Variants in BRD4 observed in about 807,000 individuals in gnomAD.
BRD4 encodes the protein bromodomain-containing protein 4.
Under a neutral mutation model 142.1 loss-of-function variants are expected in BRD4, and 16 were observed. The ratio of observed to expected loss-of-function variants is 0.11; its 90% CI spans 0.08 to 0.17. The LOEUF (loss-of-function observed/expected upper bound fraction) is 0.17, where lower values mean the gene tolerates loss of function less well. Ranked by LOEUF, BRD4 falls within the 10% of genes least tolerant of loss-of-function variation. BRD4 has a pLI of 1.00. For missense variants in BRD4, 1,424 were observed against 1,810.9 expected, an observed-to-expected ratio of 0.79 and a Z score of 3.88; for synonymous variants, 833 against 707.5, an observed-to-expected ratio of 1.18 and a Z score of -2.82.
chr19:15,289,652 T>C (rs548924362), intron 1 of BRD4, among the ~76,000 whole-genome samples: 5 of 150,536 alleles, frequency 3.3e-5, no homozygotes, highest in African/African-American at 1.2e-4. Flanking sequence ...CAAAAGTAAT[T>C]GCGGTTTTGA....
intron 1 of BRD4, among the ~76,000 whole-genome samples, chr19:15,317,141 C>CT (rs1409086009): frequency 3.3e-5 from 5 of 152,248 alleles, no homozygotes; most frequent in Non-Finnish European, 2.9e-5. Context: ...CTTACCAACT[C>CT]TGTGACCCTG....
chr19:15,255,645 G>A, intron 9 of BRD4, 53 bp from the exon 10 acceptor site: 1 of 1,539,654 alleles, frequency 6.5e-7, no homozygotes, highest in African/African-American at 1.4e-5. Context: ...GAGGAAGCCA[G>A]GCACTCATTC....
chr19:15,280,174 G>A, intron 1 of BRD4: 1 of 847,978 alleles, frequency 1.2e-6, no homozygotes, highest in Non-Finnish European at 1.4e-6. Flanking sequence ...CATGGGGACA[G>A]AGGCAGAGTG....
chr19:15,322,568 AT>A (rs2048071202), intron 1 of BRD4, among the ~76,000 whole-genome samples: 1 of 147,602 alleles, frequency 6.8e-6, no homozygotes, highest in East Asian at 2.0e-4. Flanking sequence ...AAAAAAAAAA[AT>A]TAGCCAGGCG....
At chr19:15,272,731 T>TC in intron 2 of BRD4, 84 bp downstream of exon 2, 2 of 1,330,142 alleles carry the variant, frequency 1.5e-6, no homozygotes, top group Non-Finnish European at 1.0e-6. Context: ...TCTCCTACCC[T>TC]CCCCCCAGGA....
Position 15,243,202 on chromosome 19 carries a change from G to A in BRD4, c.2867C>T (p.Pro956Leu). Residue 956 changes from proline to leucine, a missense_variant, in exon 14 of 20, where the codon CCC (proline) becomes CTC (leucine). Physicochemically the swap from Pro to Leu is moderately conservative, Grantham distance 98 (BLOSUM62 -3). This residue lies in a region of BRD4 where 598 missense variants were observed against 647.8 expected (regional missense o/e 0.92). Coordinates refer to ENST00000679869, the MANE Select transcript of BRD4 (RefSeq NM_001379291.1). ...PSVKVQSQPPPPLPPPPHPSV... is the reference protein window; with the variant it reads ...PSVKVQSQPPLPLPPPPHPSV... ...GGGGTGGGGTGGGGGCGGCAGGGGG[G>A]GTGGGGGCTGGGACTGCACCTTCAC... 2.6e-6 allele frequency: 3 copies of A among 1,153,554 alleles called. No individual in the cohort carries two copies. Among genetic ancestry groups the A allele is most frequent in the Non-Finnish European group, 3.5e-6 (3 of 854,274 alleles). 71.5% of individuals were successfully genotyped at this position (1,153,554 alleles called of 1,614,324 possible). A position where few individuals can be genotyped will look rare whatever the true frequency, so the allele number is the denominator to read the frequency against.
chr19:15,324,953 G>A (rs183553512), intron 1 of BRD4, among the ~76,000 whole-genome samples: 53 of 152,320 alleles, frequency 3.5e-4, no homozygotes, highest in African/African-American at 1.2e-3. Flanking sequence ...CTTGGAAGAC[G>A]TGGCACCTCT....
At chr19:15,248,371 G>A (rs1340906640) in intron 11 of BRD4, 1 of 215,148 alleles carries the variant, frequency 4.6e-6, no homozygotes, top group Non-Finnish European at 9.4e-6. Context: ...CAGTCCCTGA[G>A]GGTCTGTGAC....
chr19:15,298,272 T>C (rs1392870001), intron 1 of BRD4, among the ~76,000 whole-genome samples: 3 of 152,250 alleles, frequency 2.0e-5, no homozygotes, highest in Non-Finnish European at 4.4e-5. Flanking sequence ...TAGCTAAGTA[T>C]GTACAGGACT....
intron 1 of BRD4, among the ~76,000 whole-genome samples, chr19:15,328,691 G>A (rs1194137037): frequency 1.3e-5 from 2 of 152,192 alleles, no homozygotes; most frequent in Admixed American, 1.3e-4. Context: ...TATTTAAGGT[G>A]CTCTTCTAGG....
intron 14 of BRD4, among the ~76,000 whole-genome samples, chr19:15,240,603 G>A (rs917653833): frequency 6.6e-6 from 1 of 152,196 alleles, no homozygotes; most frequent in Non-Finnish European, 1.5e-5. Flanking sequence ...CGCCGAGTGG[G>A]GAGCAGGCGG....
intron 4 of BRD4, among the ~76,000 whole-genome samples, chr19:15,267,107 A>G (rs1286624007): frequency 4.6e-5 from 7 of 152,236 alleles, no homozygotes; most frequent in Non-Finnish European, 1.0e-4. Context: ...ACCACCTATG[A>G]TACTGGCAGG....
intron 1 of BRD4, among the ~76,000 whole-genome samples, chr19:15,279,851 G>C (rs953163226): frequency 6.6e-6 from 1 of 152,318 alleles, no homozygotes; most frequent in East Asian, 1.9e-4. Context: ...TTGAAACCCA[G>C]TAATCCTGCC....
At position 15,332,511 on chromosome 19, in the gene BRD4, G is replaced by GCCGCCGCCC. The variant is rs975350019; in HGVS notation, c.-257_-256insGGGCGGCGG. ...CAGAACAAACAGCCCAGCCGCCGCC[G>GCCGCCGCCC]CCGCCGCCGCCGCCGCCGCCAGCGC... On this transcript the variant is annotated 5_prime_UTR_variant, in exon 1 of 20. Coordinates refer to ENST00000679869, the MANE Select transcript of BRD4 (RefSeq NM_001379291.1). The GCCGCCGCCC allele has an allele frequency of 6.4e-6, 1 of 156,582 alleles. No individual in the cohort carries two copies. Among genetic ancestry groups the GCCGCCGCCC allele is most frequent in the Non-Finnish European group, 1.2e-5 (1 of 80,418 alleles). The allele number at this position is 156,582 out of a possible 1,614,324, so 9.7% of individuals were successfully genotyped here.
At chr19:15,272,266 C>T (rs779252149) in intron 2 of BRD4, among the ~76,000 whole-genome samples, 7 of 152,168 alleles carry the variant, frequency 4.6e-5, no homozygotes, top group Non-Finnish European at 1.0e-4. Context: ...ACCTGTGCAG[C>T]TGCAGCCACA....
chr19:15,265,425 G>C lies in BRD4; in HGVS notation c.778C>G (p.Pro260Ala). The change falls in exon 5 of 20, where the codon CCA becomes GCA. Residue 260 changes from proline to alanine, a missense_variant. Around this residue, in one of 16 missense-constraint regions of BRD4, gnomAD observed 140 missense variants for 131.7 expected, o/e 1.06. Coordinates refer to ENST00000679869, the MANE Select transcript of BRD4 (RefSeq NM_001379291.1). ...ACGGGCTGGGGAGCTGGAGCGGGTG[G>C]GGGTTGTGGCTGGGGGGGCACTGGC... Reference protein sequence around the residue: ...PPPVPPQPQPPPAPAPQPVQS... With the variant: ...PPPVPPQPQPAPAPAPQPVQS... 1.3e-6 allele frequency: 2 copies of C among 1,564,072 alleles called. No individual in the cohort carries two copies. The highest frequency in any genetic ancestry group is 1.7e-6 in the Non-Finnish European group (2 of 1,154,712).
chr19:15,307,963 C>T (rs2047928794), intron 1 of BRD4, among the ~76,000 whole-genome samples: 2 of 151,126 alleles, frequency 1.3e-5, no homozygotes, highest in African/African-American at 4.9e-5. Flanking sequence ...AAAATACAAA[C>T]ATTAACTGGG....
At chr19:15,307,013 G>A (rs556773307) in intron 1 of BRD4, among the ~76,000 whole-genome samples, 1 of 152,212 alleles carries the variant, frequency 6.6e-6, no homozygotes, top group Non-Finnish European at 1.5e-5. Context: ...TATCTGCAAA[G>A]CACAATAAAA....
intron 11 of BRD4, chr19:15,253,662 A>G (rs540659015): frequency 6.3e-7 from 1 of 1,598,188 alleles, no homozygotes; most frequent in South Asian, 1.1e-5. Context: ...GCGGCTGGCC[A>G]GCTGCAGTCT....
Sources: gnomAD v4.1 joint callset for allele counts (sites outside exome capture counted in the v4.1 genomes callset) on GRCh38, gnomAD v4.1.1 for gene constraint, gnomAD v4.1.1 regional missense constraint, MANE v1.5 for transcripts, NCBI Gene and HGNC (gene_info 2026-07-23, HGNC 2026-07-21) for gene names.